The following HTR2A variants were observed in gnomAD, a reference collection of about 807,000 sequenced individuals.
HTR2A encodes 5-HT2 receptor.
Under a neutral mutation model 31.0 loss-of-function variants are expected in HTR2A, and 14 were observed. That is an observed-to-expected ratio of 0.45 (90% CI 0.30 to 0.71). The LOEUF (loss-of-function observed/expected upper bound fraction) is 0.71. HTR2A is among the 30% of genes least tolerant of loss of function. The pLI is 0.09. For synonymous variants in HTR2A, 209 were observed against 225.2 expected (o/e 0.93, Z 0.64); for missense variants, 442 against 573.3 (o/e 0.77, Z 2.34).
At chr13:46,878,090 A>G (rs1950929390) in intron 3 of HTR2A, among the ~76,000 whole-genome samples, 1 of 152,206 alleles carries the variant, frequency 6.6e-6, no homozygotes, top group Non-Finnish European at 1.5e-5. Flanking sequence ...CAAGAGTTTC[A>G]GTCAGGAGAG....
intron 3 of HTR2A, among the ~76,000 whole-genome samples, chr13:46,847,898 ACTT>A (rs1950655346): frequency 1.3e-5 from 2 of 152,100 alleles, no homozygotes; most frequent in South Asian, 4.1e-4. Context: ...CTAACTAGCA[ACTT>A]CTTCTTGTAA....
rs376846632 is a variant in HTR2A, at chr13:46,896,798, A to G, written c.-453T>C. 28 of 1,536,996 alleles carry G rather than the reference A, an allele frequency of 1.8e-5. No homozygotes were observed. The African/African-American group carries it at 2.7e-4, about 15-fold the overall frequency. On this transcript the variant is annotated 5_prime_UTR_variant, in exon 1 of 4. Transcript: ENST00000542664. The stretch of plus-strand genomic sequence containing the variant: ...CTTCCACCAGCATAATATGATAGTA[A>G]TTTGGTTTCTGTTTTGCTGACTTCA...
chr13:46,856,577 G>A (rs1398762845), intron 3 of HTR2A, among the ~76,000 whole-genome samples: 2 of 151,168 alleles, frequency 1.3e-5, no homozygotes, highest in Non-Finnish European at 2.9e-5. Context: ...TCCCCAGTAG[G>A]CTTTAACTCT....
chr13:46,875,856 G>A (rs1341653765), intron 3 of HTR2A, among the ~76,000 whole-genome samples: 2 of 152,286 alleles, frequency 1.3e-5, no homozygotes, highest in South Asian at 4.1e-4. Flanking sequence ...AGAGAAAGCA[G>A]GTGCTAATTT....
chr13:46,850,607 A>T (rs1950677011), intron 3 of HTR2A, among the ~76,000 whole-genome samples: 1 of 152,206 alleles, frequency 6.6e-6, no homozygotes, highest in East Asian at 1.9e-4. Context: ...TTGCTGCTTC[A>T]TTGCTGCTCA....
intron 3 of HTR2A, among the ~76,000 whole-genome samples, chr13:46,843,035 G>T (rs953041512): frequency 2.0e-5 from 3 of 152,200 alleles, no homozygotes; most frequent in African/African-American, 7.2e-5. Flanking sequence ...CACCCCACCT[G>T]GGATGTAAGC....
chr13:46,833,967 G>A lies in HTR2A; in HGVS notation c.*870C>T, dbSNP rs1335778448. 1 of 152,192 alleles carries A rather than the reference G, an allele frequency of 6.6e-6. No homozygotes were observed. The highest frequency in any genetic ancestry group is 1.5e-5 in the Non-Finnish European group (1 of 68,046). The allele number at this position is 152,192 out of a possible 1,614,324, so 9.4% of individuals were successfully genotyped here. ...CAATATACATTTACTGCTCAAAAGAGTGCATGCATGATGCAGTCATTTCAC... is the reference window on the plus strand; with the variant it reads ...CAATATACATTTACTGCTCAAAAGAATGCATGCATGATGCAGTCATTTCAC... On this transcript the variant is annotated 3_prime_UTR_variant, in exon 4 of 4. Transcript: ENST00000542664.
rs1427978475 is a variant in HTR2A, at chr13:46,896,697, G to T, written c.-352C>A. ...ACATTTGTCTTCAGGGTCCACACAT[G>T]AGATACATTTGTTATTCTGTGACTC... is the stretch of plus-strand genomic sequence containing the variant. On this transcript the variant is annotated 5_prime_UTR_variant, in exon 1 of 4. It introduces an in-frame stop codon into an upstream open reading frame of the 5' UTR. Transcript: ENST00000542664. 2 of 1,534,718 alleles carry T rather than the reference G, an allele frequency of 1.3e-6. No individual in the cohort carries two copies. The highest frequency in any genetic ancestry group is 8.7e-7 in the Non-Finnish European group (1 of 1,145,286).
Position 46,896,703 on chromosome 13 carries a change from C to A in HTR2A, c.-358G>T, listed in dbSNP as rs1951107950. 2 of 1,535,204 alleles carry A rather than the reference C, an allele frequency of 1.3e-6. No homozygotes were observed. Among genetic ancestry groups the A allele is most frequent in the Non-Finnish European group, 1.7e-6 (2 of 1,145,702 alleles). On this transcript the variant is annotated 5_prime_UTR_variant, in exon 1 of 4. An upstream start codon of the reference 5' UTR is lost. Transcript: ENST00000542664. ...GTCTTCAGGGTCCACACATGAGATA[C>A]ATTTGTTATTCTGTGACTCGCTGCA...
chr13:46,834,896 A>T lies in HTR2A; in HGVS notation c.1357T>A (p.Ser453Thr), dbSNP rs753241217. The change falls in exon 4 of 4, where the codon TCT (serine) becomes ACT (threonine). Residue 453 changes from serine to threonine, a missense_variant. Physicochemically the swap from Ser to Thr is moderately conservative, Grantham distance 58. Coordinates refer to ENST00000542664, the MANE Select transcript of HTR2A (RefSeq NM_000621.5). The part of the protein sequence containing the change: ...CSMVALGKQH[S>T]EEASKDNSDG... ...CTATTGTCTTTAGAAGCCTCTTCAG[A>T]ATGCTGCTTTCCTAGAGCAACCATT... is the stretch of plus-strand genomic sequence containing the variant. The T allele has an allele frequency of 6.2e-7, 1 of 1,614,046 alleles. No homozygotes were observed.
chr13:46,835,550 C>T lies in HTR2A; in HGVS notation c.703G>A (p.Val235Ile), dbSNP rs762726109. ...GSCLLADDNF[V>I]LIGSFVSFFI... The stretch of plus-strand genomic sequence containing the variant: ...AATGACACAAAAGAGCCGATCAGGA[C>T]AAAGTTATCATCGGCGAGTAAGCAA... The change falls in exon 4 of 4, where the codon GTC (valine) becomes ATC (isoleucine). Residue 235 changes from valine to isoleucine, a missense_variant. By Grantham distance (29) the Val-to-Ile change is conservative. This residue lies in a region of HTR2A where 174 missense variants were observed against 195.1 expected (regional missense o/e 0.89). Transcript: ENST00000542664. 1 of 1,614,018 alleles carries T rather than the reference C, an allele frequency of 6.2e-7. No homozygotes were observed. The highest frequency in any genetic ancestry group is 8.5e-7 in the Non-Finnish European group (1 of 1,179,950).
chr13:46,898,023 C>A (rs36212451), upstream of HTR2A, among the ~76,000 whole-genome samples: 1 of 152,156 alleles, frequency 6.6e-6, no homozygotes, highest in African/African-American at 2.4e-5. Context: ...CCTTCATTCT[C>A]GCTGCCAGAT....
At chr13:46,859,138 G>T (rs948211197) in intron 3 of HTR2A, among the ~76,000 whole-genome samples, 5 of 152,086 alleles carry the variant, frequency 3.3e-5, no homozygotes, top group African/African-American at 1.2e-4. Context: ...ATATAACTTG[G>T]TATTTGCAGG....
At chr13:46,873,335 G>A (rs1009602168) in intron 3 of HTR2A, among the ~76,000 whole-genome samples, 5 of 150,824 alleles carry the variant, frequency 3.3e-5, no homozygotes, top group African/African-American at 4.9e-5. Context: ...GGTTCAAAGC[G>A]AATCTTTAAA....
At chr13:46,845,454 T>G (rs1053611028) in intron 3 of HTR2A, among the ~76,000 whole-genome samples, 10 of 152,134 alleles carry the variant, frequency 6.6e-5, no homozygotes, top group African/African-American at 2.4e-4. Flanking sequence ...TGCTTATCAC[T>G]TACCAGAAGC....
upstream of HTR2A, among the ~76,000 whole-genome samples, chr13:46,897,931 G>T (rs1218792672): frequency 6.6e-6 from 1 of 152,080 alleles, no homozygotes; most frequent in Non-Finnish European, 1.5e-5. Context: ...CCCCTGCCCG[G>T]CTCTCAGTGC....
intron 3 of HTR2A, among the ~76,000 whole-genome samples, chr13:46,870,982 A>G (rs1249358753): frequency 1.3e-5 from 2 of 152,200 alleles, no homozygotes; most frequent in East Asian, 1.9e-4. Flanking sequence ...TGTGCTGACA[A>G]AAGCCAGACA....
intron 3 of HTR2A, among the ~76,000 whole-genome samples, chr13:46,891,461 T>C (rs1291071800): frequency 1.3e-5 from 2 of 152,228 alleles, no homozygotes; most frequent in African/African-American, 2.4e-5. Context: ...GGAACTAAAA[T>C]ACACAAGATA....
chr13:46,873,338 T>C (rs1415611858), intron 3 of HTR2A, among the ~76,000 whole-genome samples: 1 of 151,470 alleles, frequency 6.6e-6, no homozygotes, highest in Admixed American at 6.6e-5. Context: ...TCAAAGCGAA[T>C]CTTTAAATTT....
Sources: allele counts gnomAD v4.1 joint callset (sites outside exome capture counted in the v4.1 genomes callset), GRCh38; gene constraint gnomAD v4.1.1; regional missense constraint gnomAD v4.1.1; transcripts MANE v1.5; gene names NCBI Gene and HGNC (gene_info 2026-07-23, HGNC 2026-07-21).